FMN1: variants seen among roughly 807,000 people sequenced by gnomAD.
FMN1 encodes formin 1.
FMN1 carries 110 observed loss-of-function variants against 132.4 expected under a neutral mutation model. The observed-to-expected ratio is 0.83, with a 90% CI of 0.71 to 0.97. The LOEUF (loss-of-function observed/expected upper bound fraction) is 0.97. Among genes scored for constraint, FMN1 ranks in the 50% least tolerant of loss-of-function variants. FMN1 has a pLI of 0.00. For missense variants in FMN1, 1,792 were observed against 1,705.3 expected (o/e 1.05, Z -0.90); for synonymous variants, 722 against 651.7 (o/e 1.11, Z -1.64).
intron 10 of FMN1, among the ~76,000 whole-genome samples, chr15:32,925,153 G>A (rs2060927658): frequency 2.0e-5 from 3 of 152,090 alleles, no homozygotes; most frequent in Admixed American, 6.5e-5. Context: ...TTTTGAAAAC[G>A]AAAGGATGAA....
At chr15:33,087,189 C>A (rs980905970) in intron 5 of FMN1, among the ~76,000 whole-genome samples, 1 of 152,158 alleles carries the variant, frequency 6.6e-6, no homozygotes, top group Non-Finnish European at 1.5e-5. Flanking sequence ...TAGGTGAACC[C>A]CAGCCCAGTG....
chr15:32,876,949 T>C (rs2059651175), intron 16 of FMN1, among the ~76,000 whole-genome samples: 2 of 152,098 alleles, frequency 1.3e-5, no homozygotes. Context: ...CCAATTTTTT[T>C]CCATTAACCT....
rs370019638 is a variant in FMN1, at chr15:32,968,983, C to T, written c.2718G>A (p.Pro906=). The T allele has an allele frequency of 7.2e-4, 721 of 999,484 alleles. 3 individuals are homozygous for T. Among genetic ancestry groups the T allele is most frequent in the Middle Eastern group, 4.8e-3 (19 of 3,918 alleles). 61.9% of individuals were successfully genotyped at this position (999,484 alleles called of 1,614,324 possible). Residue 906 remains proline (P), a synonymous_variant, in exon 8 of 21, where the codon CCG becomes CCA. Transcript: ENST00000616417. ...PVSAGPPLPP[P]PPPPPPLPPP... is the part of the protein sequence containing the mutation. Reference sequence around the variant, plus strand: ...GAGGTAGAGGTGGCGGTGGAGGAGGCGGAGGTGGTAGCGGTGGCCCAGCAC... The same window carrying T: ...GAGGTAGAGGTGGCGGTGGAGGAGGTGGAGGTGGTAGCGGTGGCCCAGCAC...
chr15:33,113,941 G>C (rs1019757677), intron 4 of FMN1, among the ~76,000 whole-genome samples: 6 of 152,178 alleles, frequency 3.9e-5, no homozygotes, highest in African/African-American at 1.2e-4. Context: ...TGGGAAACCA[G>C]ATCCTTAGCC....
At chr15:32,794,294 A>G (rs1295548055) in intron 19 of FMN1, among the ~76,000 whole-genome samples, 1 of 152,232 alleles carries the variant, frequency 6.6e-6, no homozygotes, top group Non-Finnish European at 1.5e-5. Flanking sequence ...AAAATTCACC[A>G]AACTTCTAAT....
At chr15:33,181,113 C>T (rs796797839) in intron 2 of FMN1, among the ~76,000 whole-genome samples, 4 of 152,236 alleles carry the variant, frequency 2.6e-5, no homozygotes, top group African/African-American at 9.6e-5. Flanking sequence ...TGTGGTCAGG[C>T]CCCTGTTGAT....
chr15:32,800,897 G>A (rs1483029783), intron 18 of FMN1, among the ~76,000 whole-genome samples: 2 of 152,144 alleles, frequency 1.3e-5, no homozygotes, highest in Non-Finnish European at 2.9e-5. Flanking sequence ...CCCAGGGAGG[G>A]CATGTGATTA....
chr15:32,907,891 G>A (rs1020013071), intron 12 of FMN1, among the ~76,000 whole-genome samples: 1 of 152,102 alleles, frequency 6.6e-6, no homozygotes, highest in South Asian at 2.1e-4. Flanking sequence ...GACCCCAAGA[G>A]TCACTCAGTT....
chr15:32,937,464 A>G (rs1166508496), intron 9 of FMN1, among the ~76,000 whole-genome samples: 1 of 152,238 alleles, frequency 6.6e-6, no homozygotes, highest in African/African-American at 2.4e-5. Flanking sequence ...TGAATTTCTC[A>G]CAAAGGGAAC....
intron 7 of FMN1, among the ~76,000 whole-genome samples, chr15:33,001,579 C>T (rs1162256594): frequency 1.5e-5 from 2 of 134,272 alleles, no homozygotes; most frequent in African/African-American, 2.8e-5. Flanking sequence ...CCCCCCACCT[C>T]CCCCCATCCT....
chr15:33,173,444 T>G (rs1417134153), intron 3 of FMN1, among the ~76,000 whole-genome samples: 1 of 152,208 alleles, frequency 6.6e-6, no homozygotes, highest in African/African-American at 2.4e-5. Flanking sequence ...ATGCTTGGTG[T>G]TAGAGAAGGG....
chr15:32,951,159 ATGTT>A (rs2061644165), intron 9 of FMN1, among the ~76,000 whole-genome samples: 1 of 152,158 alleles, frequency 6.6e-6, no homozygotes, highest in Non-Finnish European at 1.5e-5. Context: ...CATTCTACAT[ATGTT>A]TATTTATTTA....
chr15:32,986,001 GACA>G (rs934073985), intron 7 of FMN1, among the ~76,000 whole-genome samples: 11 of 152,082 alleles, frequency 7.2e-5, no homozygotes, highest in South Asian at 6.2e-4. Context: ...TTCACTGAGA[GACA>G]ACAAGATGAT....
At chr15:33,008,166 A>G in intron 6 of FMN1, 91 bp from the exon 7 acceptor site, 1 of 973,616 alleles carries the variant, frequency 1.0e-6, no homozygotes, top group Non-Finnish European at 1.6e-6. Flanking sequence ...AACTGACTAA[A>G]ATAAATGCCA....
At chr15:33,002,790 GTGTT>G (rs1347319941) in intron 7 of FMN1, among the ~76,000 whole-genome samples, 7 of 152,162 alleles carry the variant, frequency 4.6e-5, no homozygotes, top group Non-Finnish European at 1.0e-4. Context: ...TTAAAACACT[GTGTT>G]TGCCAAATGA....
At position 32,934,047 on chromosome 15, in the gene FMN1, G is replaced by C. The variant is rs904039205; in HGVS notation, c.3139-7786C>G. 2.0e-5 allele frequency among the ~76,000 whole-genome samples: 3 copies of C among 151,596 alleles called. No homozygotes were observed. The East Asian group carries it at 5.8e-4, about 29-fold the overall frequency. ...ATTGTTTTGTAGCTTTTGTAGTTTT[G>C]TCTTTTTCTATATTGATGACTTTTG... On this transcript the variant is annotated intron_variant, in intron 9 of 20. Coordinates refer to ENST00000616417, the MANE Select transcript of FMN1 (RefSeq NM_001277313.2).
At chr15:33,100,918 A>G (rs2039268494) in intron 4 of FMN1, among the ~76,000 whole-genome samples, 1 of 152,228 alleles carries the variant, frequency 6.6e-6, no homozygotes, top group Non-Finnish European at 1.5e-5. Context: ...TATGTAATAC[A>G]TAAGAAAATG....
chr15:33,023,361 T>C (rs534464361), intron 6 of FMN1, among the ~76,000 whole-genome samples: 3 of 152,126 alleles, frequency 2.0e-5, no homozygotes, highest in South Asian at 4.1e-4. Flanking sequence ...CAATCAACAA[T>C]TGAAACATGA....
At chr15:32,901,825 T>A in intron 13 of FMN1, 86 bp downstream of exon 13, 1 of 1,133,702 alleles carries the variant, frequency 8.8e-7, no homozygotes, top group Non-Finnish European at 1.2e-6. Flanking sequence ...CAAAAAGGTT[T>A]CTATAATGGC....
Sources: gnomAD v4.1 joint callset for allele counts (sites outside exome capture counted in the v4.1 genomes callset) on GRCh38, gnomAD v4.1.1 for gene constraint, MANE v1.5 for transcripts, NCBI Gene and HGNC (gene_info 2026-07-23, HGNC 2026-07-21) for gene names.